NCAM2: variants seen among roughly 807,000 people sequenced by gnomAD.
NCAM2 encodes N-CAM-2.
A neutral mutation model predicts 98.1 loss-of-function variants in NCAM2; 30 were observed. The ratio of observed to expected loss-of-function variants is 0.31; its 90% CI spans 0.23 to 0.41. The LOEUF is 0.41. NCAM2 is among the 10% of genes least tolerant of loss of function. The pLI, the probability that NCAM2 is intolerant of heterozygous loss-of-function variation, is 1.00. For synonymous variants in NCAM2, 368 were observed against 342.4 expected (o/e 1.07, Z -0.83); for missense variants, 867 against 1,005.8 (o/e 0.86, Z 1.87).
intron 16 of NCAM2, among the ~76,000 whole-genome samples, chr21:21,515,784 T>C (rs1311542248): frequency 6.6e-6 from 1 of 152,200 alleles, no homozygotes; most frequent in Non-Finnish European, 1.5e-5. Context: ...TGTAAAGTAC[T>C]GTATAATGAC....
At chr21:21,302,750 G>T (rs2073758708) in intron 5 of NCAM2, among the ~76,000 whole-genome samples, 1 of 152,074 alleles carries the variant, frequency 6.6e-6, no homozygotes, top group East Asian at 1.9e-4. Flanking sequence ...TCTTTACTGG[G>T]TATATACCCA....
chr21:21,466,981 A>G (rs553154749), intron 13 of NCAM2, among the ~76,000 whole-genome samples: 2 of 152,096 alleles, frequency 1.3e-5, no homozygotes, highest in Non-Finnish European at 2.9e-5. Context: ...CCTTATTGCA[A>G]AAGTGTCCTT....
chr21:21,378,453 T>C (rs1038732096), intron 9 of NCAM2, among the ~76,000 whole-genome samples: 1 of 152,130 alleles, frequency 6.6e-6, no homozygotes, highest in Admixed American at 6.6e-5. Flanking sequence ...TAGGTACTTG[T>C]TGGCCATTTG....
intron 12 of NCAM2, chr21:21,463,626 A>G (rs2826851): frequency 0.22 from 34,003 of 152,134 alleles, 4,373 homozygotes; most frequent in Middle Eastern, 0.38. Context: ...CGGTCAGTAC[A>G]TGGGTAAGCC....
chr21:21,017,767 C>T (rs2146171333), intron 1 of NCAM2, among the ~76,000 whole-genome samples: 1 of 152,146 alleles, frequency 6.6e-6, no homozygotes, highest in East Asian at 1.9e-4. Flanking sequence ...CTTGCATTAA[C>T]ACTGTGCAAA....
chr21:21,409,300 C>T (rs1010669630), intron 9 of NCAM2, among the ~76,000 whole-genome samples: 1 of 152,040 alleles, frequency 6.6e-6, no homozygotes, highest in South Asian at 2.1e-4. Context: ...ACATTGTTTT[C>T]TCTTAACTTC....
chr21:21,419,288 G>A (rs138290164), intron 11 of NCAM2, among the ~76,000 whole-genome samples: 2,370 of 132,448 alleles, frequency 0.018, 40 homozygotes, highest in Non-Finnish European at 0.025. Context: ...TGAGATATTT[G>A]TGAAAGAAAT....
At chr21:21,372,087 T>G (rs1330022617) in intron 8 of NCAM2, among the ~76,000 whole-genome samples, 1 of 151,794 alleles carries the variant, frequency 6.6e-6, no homozygotes, top group Non-Finnish European at 1.5e-5. Flanking sequence ...TCTAGTCAGG[T>G]GAGGCCACAA....
chr21:21,072,814 G>A (rs560849153), intron 1 of NCAM2, among the ~76,000 whole-genome samples: 1 of 151,916 alleles, frequency 6.6e-6, no homozygotes, highest in African/African-American at 2.4e-5. Context: ...TTTCTCTCGT[G>A]GTAAAATATA....
intron 11 of NCAM2, 109 bp downstream of exon 11, chr21:21,418,678 A>G (rs2077043577): frequency 3.7e-6 from 3 of 821,722 alleles, no homozygotes; most frequent in Admixed American, 2.0e-5. Context: ...AAAACAATGG[A>G]TCTCTTGGAG....
chr21:21,109,784 T>C (rs1448249991), intron 1 of NCAM2, among the ~76,000 whole-genome samples: 2 of 152,204 alleles, frequency 1.3e-5, no homozygotes, highest in African/African-American at 2.4e-5. Context: ...AATTCATCCC[T>C]CTTTCCTCTA....
At chr21:21,480,270 G>A (rs1348696514) in intron 15 of NCAM2, among the ~76,000 whole-genome samples, 1 of 150,960 alleles carries the variant, frequency 6.6e-6, no homozygotes, top group African/African-American at 2.5e-5. Context: ...GGGAGGCTGA[G>A]GCAGGAGAAT....
chr21:21,361,957 T>C (rs1022457384), intron 8 of NCAM2, among the ~76,000 whole-genome samples: 1 of 152,204 alleles, frequency 6.6e-6, no homozygotes, highest in Non-Finnish European at 1.5e-5. Flanking sequence ...AGGTAAATTG[T>C]ACATTGTGGG....
chr21:21,006,627 C>T (rs1247113011), intron 1 of NCAM2, among the ~76,000 whole-genome samples: 1 of 152,114 alleles, frequency 6.6e-6, no homozygotes, highest in African/African-American at 2.4e-5. Flanking sequence ...GCTATGAAGA[C>T]ATTAAGAAAA....
At chr21:21,032,434 G>A in intron 1 of NCAM2, among the ~76,000 whole-genome samples, 1 of 152,014 alleles carries the variant, frequency 6.6e-6, no homozygotes. Flanking sequence ...GAAACCACTG[G>A]CATTAGTCTG....
intron 1 of NCAM2, among the ~76,000 whole-genome samples, chr21:21,099,156 A>G (rs942110245): frequency 1.5e-5 from 2 of 137,796 alleles, no homozygotes; most frequent in Admixed American, 1.4e-4. Context: ...TCAGTAAGTG[A>G]AAAAGGCAAA....
chr21:21,176,370 C>T (rs979767418), intron 1 of NCAM2, among the ~76,000 whole-genome samples: 16 of 152,116 alleles, frequency 1.1e-4, no homozygotes, highest in Non-Finnish European at 2.2e-4. Context: ...TAGCAACCAT[C>T]TATATATAGT....
chr21:21,449,897 T>G (rs1466906665), intron 12 of NCAM2, among the ~76,000 whole-genome samples: 7 of 152,104 alleles, frequency 4.6e-5, no homozygotes, highest in Admixed American at 6.6e-5. Context: ...GTATAGATTA[T>G]GGAGATAATA....
intron 9 of NCAM2, among the ~76,000 whole-genome samples, chr21:21,403,612 G>A (rs2076678101): frequency 6.6e-6 from 1 of 152,076 alleles, no homozygotes; most frequent in Non-Finnish European, 1.5e-5. Flanking sequence ...ATATTATTTT[G>A]AATTATTAGT....
Sources: gnomAD v4.1 joint callset for allele counts (sites outside exome capture counted in the v4.1 genomes callset) on GRCh38, gnomAD v4.1.1 for gene constraint, MANE v1.5 for transcripts, NCBI Gene and HGNC (gene_info 2026-07-23, HGNC 2026-07-21) for gene names.